ASAP1: variants seen among roughly 807,000 people sequenced by gnomAD.
The protein encoded by ASAP1 is arf-GAP with SH3 domain, ANK repeat and PH domain-containing protein 1.
ASAP1 carries 43 observed loss-of-function variants against 145.2 expected under a neutral mutation model. That is an observed-to-expected ratio of 0.30 (90% confidence interval 0.23 to 0.38). ASAP1 has a LOEUF of 0.38. Among genes scored for constraint, ASAP1 ranks in the 10% least tolerant of loss-of-function variants. ASAP1 has a pLI of 1.00. For synonymous variants in ASAP1, 546 were observed against 515.5 expected, an observed-to-expected ratio of 1.06 and a Z score of -0.80; for missense variants, 1,018 against 1,355.3, an observed-to-expected ratio of 0.75 and a Z score of 3.91.
At chr8:130,417,683 G>A (rs1829545761) in intron 1 of ASAP1, among the ~76,000 whole-genome samples, 1 of 152,132 alleles carries the variant, frequency 6.6e-6, no homozygotes, top group Admixed American at 6.5e-5. Context: ...CAGGAAGGAT[G>A]GAAATTCAGG....
At chr8:130,104,524 T>C (rs1016379292) in intron 24 of ASAP1, among the ~76,000 whole-genome samples, 17 of 152,258 alleles carry the variant, frequency 1.1e-4, no homozygotes, top group African/African-American at 4.1e-4. Context: ...AAACAGCCAA[T>C]GGAAACTGGA....
At chr8:130,283,587 GAAAAAAAAAAAAAAAAAA>G (rs71304303) in intron 3 of ASAP1, among the ~76,000 whole-genome samples, 1 of 20,852 alleles carries the variant, frequency 4.8e-5, no homozygotes, top group African/African-American at 1.7e-4. Flanking sequence ...ATCACAGAAA[GAAAAAAAAAAAAAAAAAA>G]AAAAAAAAAG....
In ASAP1 at chr8:130,409,676, T is replaced by G. The variant is rs569953691; in HGVS notation, c.-27-7706A>C. Among the ~76,000 whole-genome samples the G allele has an allele frequency of 6.2e-4, 95 of 152,310 alleles. 1 individual carries two copies. Among genetic ancestry groups the G allele is most frequent in the African/African-American group, 2.2e-3 (92 of 41,570 alleles). On this transcript the variant is annotated intron_variant, in intron 1 of 29. Coordinates refer to ENST00000518721, the MANE Select transcript of ASAP1 (RefSeq NM_018482.4). ...AATGCCGAGGCTGCTGGACCTTAGC[T>G]TTGGCTCTGCCCCCAACCGCCCGCC...
intron 3 of ASAP1, among the ~76,000 whole-genome samples, chr8:130,295,608 T>G (rs1376448153): frequency 4.6e-5 from 7 of 152,184 alleles, no homozygotes; most frequent in African/African-American, 1.7e-4. Flanking sequence ...TAATTACATG[T>G]GACTGATGCT....
chr8:130,304,379 A>G (rs1248021301), intron 3 of ASAP1, among the ~76,000 whole-genome samples: 1 of 152,142 alleles, frequency 6.6e-6, no homozygotes, highest in Non-Finnish European at 1.5e-5. Flanking sequence ...ACCCTAAAAA[A>G]AGGAACATCA....
intron 13 of ASAP1, among the ~76,000 whole-genome samples, chr8:130,138,425 G>C (rs2097600506): frequency 1.3e-5 from 2 of 152,202 alleles, no homozygotes; most frequent in South Asian, 2.1e-4. Flanking sequence ...CAGAAGTCAA[G>C]TACAAGAGAA....
intron 9 of ASAP1, among the ~76,000 whole-genome samples, chr8:130,174,511 G>C (rs756370039): frequency 2.0e-5 from 3 of 152,158 alleles, no homozygotes; most frequent in African/African-American, 7.2e-5. Flanking sequence ...ACCAGTCACC[G>C]CACTATTATA....
intron 3 of ASAP1, among the ~76,000 whole-genome samples, chr8:130,349,088 C>T (rs893520660): frequency 9.2e-5 from 14 of 152,212 alleles, no homozygotes; most frequent in African/African-American, 3.4e-4. Flanking sequence ...TCAAAGTGGG[C>T]AGCACTGGTC....
intron 4 of ASAP1, among the ~76,000 whole-genome samples, chr8:130,225,502 T>C (rs1817538117): frequency 6.6e-6 from 1 of 152,200 alleles, no homozygotes; most frequent in Admixed American, 6.5e-5. Context: ...AAATTATCTA[T>C]ATGGCATGAG....
intron 3 of ASAP1, among the ~76,000 whole-genome samples, chr8:130,248,695 C>G (rs1289256958): frequency 2.0e-5 from 3 of 152,096 alleles, no homozygotes; most frequent in African/African-American, 2.4e-5. Context: ...GGTATTACAT[C>G]ACAACACTTA....
intron 1 of ASAP1, among the ~76,000 whole-genome samples, chr8:130,408,362 A>G (rs1829125142): frequency 6.6e-6 from 1 of 152,208 alleles, no homozygotes; most frequent in Non-Finnish European, 1.5e-5. Context: ...TGAAGGCATA[A>G]TATTAATAGA....
intron 12 of ASAP1, among the ~76,000 whole-genome samples, chr8:130,158,292 T>C (rs1248850327): frequency 6.6e-6 from 1 of 151,694 alleles, no homozygotes; most frequent in East Asian, 1.9e-4. Context: ...GGAGAATTTC[T>C]TGAGGCCAGG....
At chr8:130,077,274 G>C (rs1014594404) in intron 26 of ASAP1, among the ~76,000 whole-genome samples, 2 of 152,198 alleles carry the variant, frequency 1.3e-5, no homozygotes, top group African/African-American at 2.4e-5. Flanking sequence ...CTGGAATACA[G>C]GTCCATACCA....
At chr8:130,321,870 T>C (rs1824029130) in intron 3 of ASAP1, among the ~76,000 whole-genome samples, 1 of 152,240 alleles carries the variant, frequency 6.6e-6, no homozygotes, top group Non-Finnish European at 1.5e-5. Context: ...CATATAATTT[T>C]CTCTTTTAAT....
At chr8:130,390,946 C>CA (rs1301784635) in intron 2 of ASAP1, among the ~76,000 whole-genome samples, 2 of 149,456 alleles carry the variant, frequency 1.3e-5, no homozygotes, top group African/African-American at 5.0e-5. Flanking sequence ...CCCGCCCCCC[C>CA]AAAATTGAAA....
intron 3 of ASAP1, among the ~76,000 whole-genome samples, chr8:130,261,310 C>T (rs1343885187): frequency 6.6e-6 from 1 of 152,234 alleles, no homozygotes; most frequent in African/African-American, 2.4e-5. Flanking sequence ...AAGGGAAAAG[C>T]ACCCAGATAT....
intron 7 of ASAP1, among the ~76,000 whole-genome samples, chr8:130,185,729 C>CAAAAAA (rs778486303): frequency 4.1e-3 from 222 of 53,814 alleles, no homozygotes; most frequent in Middle Eastern, 0.01. Flanking sequence ...AACTCCGCCT[C>CAAAAAA]AAAAAAAAAA....
At chr8:130,155,293 G>A (rs1167821853) in intron 12 of ASAP1, among the ~76,000 whole-genome samples, 2 of 152,178 alleles carry the variant, frequency 1.3e-5, no homozygotes, top group African/African-American at 4.8e-5. Context: ...TTGTGACTGA[G>A]GCACTTTCAG....
At chr8:130,425,768 AAAG>A (rs1233172973) in intron 1 of ASAP1, among the ~76,000 whole-genome samples, 1 of 152,212 alleles carries the variant, frequency 6.6e-6, no homozygotes, top group Non-Finnish European at 1.5e-5. Flanking sequence ...GACACTTAAG[AAAG>A]AAGACACATT....
Sources: allele counts gnomAD v4.1 joint callset (sites outside exome capture counted in the v4.1 genomes callset), GRCh38; gene constraint gnomAD v4.1.1; transcripts MANE v1.5; gene names NCBI Gene and HGNC (gene_info 2026-07-23, HGNC 2026-07-21).